Variants in POLN observed in about 807,000 individuals in gnomAD.
The protein encoded by POLN is DNA polymerase N.
Under a neutral mutation model 113.5 loss-of-function variants are expected in POLN, and 108 were observed. The observed-to-expected ratio is 0.95, with a 90% CI of 0.81 to 1.12. POLN has a LOEUF of 1.12. POLN is among the 50% of genes most tolerant of loss of function. POLN has a pLI of 0.00. For synonymous variants in POLN, 386 were observed against 391.5 expected, an observed-to-expected ratio of 0.99 and a Z score of 0.17; for missense variants, 1,097 against 1,077.1, an observed-to-expected ratio of 1.02 and a Z score of -0.26.
At chr4:2,207,342 A>C (rs1225507640) in intron 5 of POLN, among the ~76,000 whole-genome samples, 1 of 151,416 alleles carries the variant, frequency 6.6e-6, no homozygotes. Flanking sequence ...GAGGAAAGGA[A>C]AGGAAAGGAA....
rs1384633898 is a variant in POLN at position 2,085,616 on chromosome 4, T to C, written c.2194A>G (p.Thr732Ala). ...ARAAIAQCHQ[T>A]GCVVSIMGRR... ...GCTCTGGTTGTGGCCAACTCACCTG[T>C]CTGGTGACACTGGGCAATAGCTGCT... Residue 732 changes from threonine to alanine, a missense_variant, in exon 21 of 26, where the codon ACA becomes GCA. By Grantham distance (58) the Thr-to-Ala change is moderately conservative. Transcript: ENST00000511885. The C allele has an allele frequency of 9.9e-6, 16 of 1,613,822 alleles. No homozygotes were observed. The highest frequency in any genetic ancestry group is 1.4e-5 in the Non-Finnish European group (16 of 1,180,028).
intron 25 of POLN, 42 bp from the exon 26 acceptor site, chr4:2,072,341 C>T: frequency 6.9e-7 from 1 of 1,455,270 alleles, no homozygotes; most frequent in Non-Finnish European, 9.1e-7. Context: ...CCTGGGCCAG[C>T]CACCCCCAGC....
At chr4:2,088,139 T>C (rs1357079549) in intron 20 of POLN, among the ~76,000 whole-genome samples, 1 of 152,230 alleles carries the variant, frequency 6.6e-6, no homozygotes, top group Non-Finnish European at 1.5e-5. Context: ...ATTTTCATTT[T>C]ATTATCATTA....
chr4:2,112,178 G>C (rs1408255892), intron 19 of POLN, among the ~76,000 whole-genome samples: 1 of 152,208 alleles, frequency 6.6e-6, no homozygotes. Context: ...AAACTGGCTA[G>C]CCATATGTAG....
chr4:2,208,511 C>A, intron 4 of POLN, 24 bp from the exon 5 acceptor site: 1 of 1,471,478 alleles, frequency 6.8e-7, no homozygotes, highest in Non-Finnish European at 9.1e-7. Context: ...GAAAATATTT[C>A]ATTAGAATAT....
intron 13 of POLN, among the ~76,000 whole-genome samples, chr4:2,168,863 G>A (rs1482804435): frequency 6.6e-6 from 1 of 152,204 alleles, no homozygotes; most frequent in Non-Finnish European, 1.5e-5. Flanking sequence ...GTTTGGTTCT[G>A]GGAACAAACT....
chr4:2,181,103 TA>T (rs34645662), intron 7 of POLN, among the ~76,000 whole-genome samples: 144 of 146,704 alleles, frequency 9.8e-4, no homozygotes, highest in Admixed American at 1.5e-3. Context: ...CTACTTAAAG[TA>T]AAAAAAAAAA....
rs567709593 is a variant in POLN, at chr4:2,162,088, C to T, written c.1555-2877G>A. ...GATAAGAGAATAAAAGCAGGCTGCC[C>T]GAGCCAGCAGCGGCAACCCGCTCCG... On this transcript the variant is annotated intron_variant, in intron 13 of 25. Transcript: ENST00000511885. Among the ~76,000 whole-genome samples, 22 of 152,264 alleles carry T rather than the reference C, an allele frequency of 1.4e-4. 1 individual carries two copies. In the South Asian group the frequency reaches 2.9e-3, roughly 20 times the overall value.
At position 2,193,891 on chromosome 4, in the gene POLN, T is replaced by A. The variant is rs527253473; in HGVS notation, c.909-575A>T. Among the ~76,000 whole-genome samples the A allele has an allele frequency of 2.7e-3, 405 of 152,306 alleles. 1 individual carries two copies. Among genetic ancestry groups the A allele is most frequent in the Non-Finnish European group, 4.4e-3 (298 of 68,034 alleles). On this transcript the variant is annotated intron_variant, in intron 6 of 25. Coordinates refer to ENST00000511885, the MANE Select transcript of POLN (RefSeq NM_181808.4). ...CTTCTGTATCTCTTCTGTACTCCTA[T>A]CCACACATGTAGTACAGTGGGAAGT... is the stretch of plus-strand genomic sequence containing the variant.
At chr4:2,181,522 T>C (rs1417080805) in intron 7 of POLN, among the ~76,000 whole-genome samples, 2 of 138,052 alleles carry the variant, frequency 1.4e-5, no homozygotes, top group Non-Finnish European at 3.1e-5. Context: ...AATAAAATTT[T>C]AAAAAATCTA....
chr4:2,135,776 C>T (rs776598193), intron 16 of POLN, among the ~76,000 whole-genome samples: 6 of 152,184 alleles, frequency 3.9e-5, no homozygotes, highest in Non-Finnish European at 8.8e-5. Context: ...ATCACACGCC[C>T]ATGAGAGCAT....
At chr4:2,106,972 T>C (rs1276043487) in intron 19 of POLN, among the ~76,000 whole-genome samples, 1 of 152,170 alleles carries the variant, frequency 6.6e-6, no homozygotes, top group African/African-American at 2.4e-5. Flanking sequence ...TTTCTGTATT[T>C]ACATATTAAT....
intron 19 of POLN, among the ~76,000 whole-genome samples, chr4:2,110,201 G>A (rs1028567013): frequency 6.6e-6 from 1 of 152,158 alleles, no homozygotes; most frequent in Non-Finnish European, 1.5e-5. Flanking sequence ...TGAGAACAAA[G>A]ACACAACATA....
At chr4:2,199,196 A>G (rs1318746884) in intron 5 of POLN, among the ~76,000 whole-genome samples, 1 of 152,192 alleles carries the variant, frequency 6.6e-6, no homozygotes, top group Non-Finnish European at 1.5e-5. Flanking sequence ...AAAACTCTAA[A>G]AAGTGAAATA....
chr4:2,080,170 C>G, intron 23 of POLN: 21 of 986,330 alleles, frequency 2.1e-5, no homozygotes, highest in Non-Finnish European at 2.4e-5. Flanking sequence ...GGATCCCGCA[C>G]AAGGAGAACG....
chr4:2,126,999 A>C lies in POLN; in HGVS notation c.1982+1114T>G, dbSNP rs1399080172. ...TGAAGGACAGACCCCTCACCCGCTT[A>C]GGACTCTGCTCCTCTGACTTCTCCG... On this transcript the variant is annotated intron_variant, in intron 19 of 25. Transcript: ENST00000511885. This position sits in a 1 kb window ranked among gnomAD's most constrained non-coding sequence, Gnocchi z 4.6. Among the ~76,000 whole-genome samples the C allele has an allele frequency of 6.6e-6, 1 of 152,016 alleles. No individual in the cohort carries two copies. Among genetic ancestry groups the C allele is most frequent in the East Asian group, 1.9e-4 (1 of 5,176 alleles).
intron 19 of POLN, among the ~76,000 whole-genome samples, chr4:2,103,300 T>C (rs1364868540): frequency 1.3e-5 from 2 of 151,842 alleles, no homozygotes; most frequent in East Asian, 1.9e-4. Flanking sequence ...AAAAAATTCA[T>C]TGAAAGGAAT....
intron 19 of POLN, among the ~76,000 whole-genome samples, chr4:2,123,424 A>C (rs981699676): frequency 6.6e-6 from 1 of 151,604 alleles, no homozygotes; most frequent in African/African-American, 2.4e-5. Flanking sequence ...TCAGGAGTTC[A>C]AGACCAGCCT....
intron 6 of POLN, among the ~76,000 whole-genome samples, chr4:2,197,273 T>C (rs1733600118): frequency 6.6e-6 from 1 of 152,198 alleles, no homozygotes; most frequent in African/African-American, 2.4e-5. Flanking sequence ...TGGAAGTTCT[T>C]GTGATCCAGT....
Sources: gnomAD v4.1 joint callset for allele counts (sites outside exome capture counted in the v4.1 genomes callset) on GRCh38, gnomAD v4.1.1 for gene constraint, Gnocchi (gnomAD v3.1) non-coding constraint, MANE v1.5 for transcripts, NCBI Gene and HGNC (gene_info 2026-07-23, HGNC 2026-07-21) for gene names.